LRMDA: variants seen among roughly 807,000 people sequenced by gnomAD.
LRMDA encodes the protein leucine rich melanocyte differentiation associated, also known as leucine-rich melanocyte differentiation-associated protein.
A neutral mutation model predicts 29.8 loss-of-function variants in LRMDA; 18 were observed. The observed-to-expected ratio is 0.60, with a 90% CI of 0.42 to 0.90. LRMDA has a LOEUF of 0.90. Among genes scored for constraint, LRMDA ranks in the 40% least tolerant of loss-of-function variants. The probability of loss-of-function intolerance (pLI) is 0.00; values close to 1 mark genes in which losing one functional copy is unlikely to be tolerated. For missense variants in LRMDA, 273 were observed against 273.9 expected (o/e 1.00, Z 0.02); for synonymous variants, 125 against 109.4 (o/e 1.14, Z -0.89).
At chr10:76,059,707 A>G (rs1247378200) in intron 5 of LRMDA, among the ~76,000 whole-genome samples, 1 of 152,194 alleles carries the variant, frequency 6.6e-6, no homozygotes, top group African/African-American at 2.4e-5. Context: ...ATTGGAAATG[A>G]TTAAAGGGGG....
At chr10:76,553,780 T>A (rs1405989549) in intron 6 of LRMDA, among the ~76,000 whole-genome samples, 1 of 152,132 alleles carries the variant, frequency 6.6e-6, no homozygotes, top group Non-Finnish European at 1.5e-5. Context: ...TTTCAGCTGC[T>A]GGAGATGGTT....
At chr10:76,182,552 C>T (rs1379095070) in intron 5 of LRMDA, among the ~76,000 whole-genome samples, 1 of 152,138 alleles carries the variant, frequency 6.6e-6, no homozygotes, top group East Asian at 1.9e-4. Flanking sequence ...AGATGGGAAA[C>T]AGTGTTCATG....
At chr10:76,375,141 T>C (rs1841500897) in intron 6 of LRMDA, among the ~76,000 whole-genome samples, 1 of 152,162 alleles carries the variant, frequency 6.6e-6, no homozygotes, top group Non-Finnish European at 1.5e-5. Context: ...AAATGGGATT[T>C]GCTTACCTGT....
At chr10:76,492,013 T>C (rs1412391011) in intron 6 of LRMDA, among the ~76,000 whole-genome samples, 1 of 152,084 alleles carries the variant, frequency 6.6e-6, no homozygotes, top group African/African-American at 2.4e-5. Context: ...ATTGCATTTT[T>C]CAACTCCAGA....
chr10:76,033,712 T>C (rs1848190685), intron 2 of LRMDA, among the ~76,000 whole-genome samples: 1 of 152,072 alleles, frequency 6.6e-6, no homozygotes, highest in Admixed American at 6.5e-5. Context: ...ACAAAGGAAT[T>C]ATTAACCACC....
chr10:75,851,929 G>A (rs1844738815), intron 2 of LRMDA, among the ~76,000 whole-genome samples: 1 of 152,230 alleles, frequency 6.6e-6, no homozygotes, highest in Non-Finnish European at 1.5e-5. Context: ...AGGAAACGAA[G>A]AAGGTCCCTT....
At chr10:75,983,069 C>T (rs1027434628) in intron 2 of LRMDA, among the ~76,000 whole-genome samples, 1 of 152,182 alleles carries the variant, frequency 6.6e-6, no homozygotes, top group African/African-American at 2.4e-5. Flanking sequence ...GCATTCTCTG[C>T]AGGACCACAT....
chr10:75,909,178 C>A (rs1845805183), intron 2 of LRMDA, among the ~76,000 whole-genome samples: 1 of 152,052 alleles, frequency 6.6e-6, no homozygotes, highest in Non-Finnish European at 1.5e-5. Flanking sequence ...AAATATTTTA[C>A]CCTAGTATAG....
chr10:75,893,410 G>T (rs979362378), intron 2 of LRMDA, among the ~76,000 whole-genome samples: 1 of 152,188 alleles, frequency 6.6e-6, no homozygotes, highest in Non-Finnish European at 1.5e-5. Context: ...CAGGTTAGAC[G>T]TATTTCCTGC....
At chr10:76,483,735 A>T (rs1199345141) in intron 6 of LRMDA, among the ~76,000 whole-genome samples, 1 of 151,688 alleles carries the variant, frequency 6.6e-6, no homozygotes, top group African/African-American at 2.4e-5. Context: ...AAAAAAAAAA[A>T]AAAAGCAAAT....
At chr10:76,011,049 A>G (rs1460614420) in intron 2 of LRMDA, among the ~76,000 whole-genome samples, 1 of 152,228 alleles carries the variant, frequency 6.6e-6, no homozygotes, top group Non-Finnish European at 1.5e-5. Flanking sequence ...CTAACTTAAT[A>G]TGATCTCCCT....
chr10:76,546,724 AT>A (rs1237747053), intron 6 of LRMDA, among the ~76,000 whole-genome samples: 3 of 152,208 alleles, frequency 2.0e-5, no homozygotes, highest in Non-Finnish European at 4.4e-5. Context: ...ATCCTATAAA[AT>A]TCTAATTTAA....
intron 2 of LRMDA, among the ~76,000 whole-genome samples, chr10:75,620,369 G>C (rs557973813): frequency 5.3e-4 from 81 of 152,304 alleles, no homozygotes; most frequent in African/African-American, 1.9e-3. Context: ...TATCAGCCTT[G>C]ATAACCTAGG....
At chr10:76,274,119 T>G (rs1397451106) in intron 5 of LRMDA, among the ~76,000 whole-genome samples, 1 of 152,164 alleles carries the variant, frequency 6.6e-6, no homozygotes, top group East Asian at 1.9e-4. Context: ...TCATAGTATA[T>G]CCTAGACTGT....
At chr10:76,176,774 C>A (rs1027567836) in intron 5 of LRMDA, among the ~76,000 whole-genome samples, 9 of 152,228 alleles carry the variant, frequency 5.9e-5, no homozygotes, top group Non-Finnish European at 1.2e-4. Flanking sequence ...GCCTGGGCAA[C>A]AGAGCGAGAC....
chr10:75,819,655 G>T (rs1441834177), intron 2 of LRMDA, among the ~76,000 whole-genome samples: 1 of 152,142 alleles, frequency 6.6e-6, no homozygotes, highest in African/African-American at 2.4e-5. Flanking sequence ...GTTGGCAGTT[G>T]TGGTTCTGGT....
intron 4 of LRMDA, 34 bp from the exon 5 acceptor site, chr10:76,058,632 A>C (rs758854085): frequency 3.2e-6 from 5 of 1,561,442 alleles, no homozygotes; most frequent in Non-Finnish European, 4.4e-6. Context: ...TGCCACTCAA[A>C]CTTCCTGAGT....
intron 2 of LRMDA, among the ~76,000 whole-genome samples, chr10:75,827,761 G>A (rs1844272319): frequency 6.6e-6 from 1 of 152,220 alleles, no homozygotes; most frequent in South Asian, 2.1e-4. Flanking sequence ...TGTTATCCAG[G>A]AAATAACATT....
At chr10:75,776,546 G>A (rs1001056598) in intron 2 of LRMDA, among the ~76,000 whole-genome samples, 3 of 152,192 alleles carry the variant, frequency 2.0e-5, no homozygotes, top group African/African-American at 7.2e-5. Context: ...ATGTTTGGCT[G>A]TATCCCTGTA....
Sources: gnomAD v4.1 joint callset for allele counts (sites outside exome capture counted in the v4.1 genomes callset) on GRCh38, gnomAD v4.1.1 for gene constraint, MANE v1.5 for transcripts, NCBI Gene and HGNC (gene_info 2026-07-23, HGNC 2026-07-21) for gene names.